PKIG: variants seen among roughly 807,000 people sequenced by gnomAD.
PKIG encodes protein kinase (cAMP-dependent, catalytic) inhibitor gamma.
PKIG carries 1 observed loss-of-function variant against 6.8 expected under a neutral mutation model. That is an observed-to-expected ratio of 0.15 (90% CI 0.05 to 0.69). The LOEUF (loss-of-function observed/expected upper bound fraction) is 0.69. PKIG is among the 30% of genes least tolerant of loss of function. PKIG has a pLI of 0.82. For synonymous variants in PKIG, 39 were observed against 43.0 expected (o/e 0.91, Z 0.36); for missense variants, 77 against 104.0 (o/e 0.74, Z 1.13).
intron 2 of PKIG, among the ~76,000 whole-genome samples, chr20:44,599,086 A>G (rs1467005265): frequency 6.6e-6 from 1 of 152,206 alleles, no homozygotes; most frequent in African/African-American, 2.4e-5. Context: ...CATCTGGTGT[A>G]TGTTTTAGAC....
At chr20:44,608,254 A>G (rs2065184832) in intron 2 of PKIG, among the ~76,000 whole-genome samples, 1 of 152,226 alleles carries the variant, frequency 6.6e-6, no homozygotes, top group Non-Finnish European at 1.5e-5. Context: ...AATATAACAG[A>G]TTTTAAAATT....
chr20:44,568,442 A>G (rs548038702), intron 1 of PKIG, among the ~76,000 whole-genome samples: 4 of 151,932 alleles, frequency 2.6e-5, no homozygotes, highest in Non-Finnish European at 5.9e-5. Flanking sequence ...CCTTCTACAT[A>G]TAGGGGCTCA....
intron 1 of PKIG, among the ~76,000 whole-genome samples, chr20:44,569,475 G>C (rs2064836712): frequency 6.6e-6 from 1 of 152,120 alleles, no homozygotes; most frequent in African/African-American, 2.4e-5. Context: ...ACTTGCTTTA[G>C]CCAGGCCTTC....
At chr20:44,578,107 A>G (rs1040351596), upstream of PKIG, among the ~76,000 whole-genome samples, 5 of 151,642 alleles carry the variant, frequency 3.3e-5, no homozygotes, top group Non-Finnish European at 4.4e-5. Flanking sequence ...TTGGGAGGCC[A>G]AGGTGGGCGG....
chr20:44,563,803 T>C (rs1471599837), intron 1 of PKIG, among the ~76,000 whole-genome samples: 3 of 152,204 alleles, frequency 2.0e-5, no homozygotes, highest in Non-Finnish European at 4.4e-5. Context: ...AGTGCTGGGA[T>C]TACAGGCATG....
intron 1 of PKIG, among the ~76,000 whole-genome samples, chr20:44,558,574 T>TTTCTTTCTTTCTTTC (rs2064736616): frequency 7.7e-4 from 102 of 132,000 alleles, no homozygotes; most frequent in Admixed American, 1.2e-3. Flanking sequence ...TTTTTTTCTT[T>TTTCTTTCTTTCTTTC]TTTCTTTCTT....
intron 1 of PKIG, among the ~76,000 whole-genome samples, chr20:44,560,146 A>T (rs1299486907): frequency 1.3e-5 from 2 of 151,630 alleles, no homozygotes; most frequent in Non-Finnish European, 2.9e-5. Flanking sequence ...GCTACTCAGG[A>T]GGCTGAGGTG....
chr20:44,573,231 G>A (rs935761658), intron 1 of PKIG, among the ~76,000 whole-genome samples: 1 of 152,262 alleles, frequency 6.6e-6, no homozygotes, highest in African/African-American at 2.4e-5. Flanking sequence ...ACTGAGGACA[G>A]TCCATAGTTT....
At chr20:44,542,169 A>G (rs1047636826) in intron 1 of PKIG, among the ~76,000 whole-genome samples, 2 of 152,238 alleles carry the variant, frequency 1.3e-5, no homozygotes, top group Admixed American at 6.5e-5. Context: ...ATAGGAATGC[A>G]GAGTTGTATG....
intron 1 of PKIG, among the ~76,000 whole-genome samples, chr20:44,566,113 G>A (rs1383786466): frequency 1.3e-5 from 2 of 152,116 alleles, no homozygotes; most frequent in Non-Finnish European, 1.5e-5. Flanking sequence ...CTAACTACCC[G>A]CATCTCATTC....
At chr20:44,550,868 A>G (rs947553473) in intron 1 of PKIG, among the ~76,000 whole-genome samples, 3 of 152,158 alleles carry the variant, frequency 2.0e-5, no homozygotes, top group Non-Finnish European at 4.4e-5. Flanking sequence ...GCTTTTTATT[A>G]TGAAAAATTT....
chr20:44,585,166 G>A (rs2064979905), intron 1 of PKIG: 1 of 152,374 alleles, frequency 6.6e-6, no homozygotes, highest in Non-Finnish European at 1.5e-5. Context: ...CCAGGAAGTG[G>A]AGAGTGGAAA....
chr20:44,581,982 G>C (rs2064952113), upstream of PKIG, among the ~76,000 whole-genome samples: 1 of 152,176 alleles, frequency 6.6e-6, no homozygotes, highest in Admixed American at 6.5e-5. Context: ...ACTTGCTTGA[G>C]GTCATTCATT....
At position 44,557,468 on chromosome 20, in the gene PKIG, G is replaced by A. The variant is rs551585168; in HGVS notation, c.-240-25117G>A. Among the ~76,000 whole-genome samples the A allele has an allele frequency of 7.4e-5, 11 of 149,648 alleles. No homozygotes were observed. In the South Asian group the frequency reaches 1.9e-3, roughly 26 times the overall value. On this transcript the variant is annotated intron_variant, in intron 1 of 4. Transcript: ENST00000372887. Reference sequence around the variant, plus strand: ...GTGAACCTGGGAGGCAGAGGTTGCTGTGAGCCGAGATCGCACCACTGCACT... The same window carrying A: ...GTGAACCTGGGAGGCAGAGGTTGCTATGAGCCGAGATCGCACCACTGCACT...
Position 44,613,689 on chromosome 20 carries a change from G to GC in PKIG, c.-23-839dup, listed in dbSNP as rs552646952. ...AGTTATATCTAGAATCCTTCCCACT[G>GC]CCCCCCTCCTCCACCCACCATCTTG... is the stretch of plus-strand genomic sequence containing the variant. On this transcript the variant is annotated intron_variant, in intron 2 of 3. Coordinates refer to ENST00000372886, the MANE Select transcript of PKIG (RefSeq NM_001281445.2). Among the ~76,000 whole-genome samples the GC allele has an allele frequency of 5.9e-5, 9 of 152,064 alleles. No homozygotes were observed. The South Asian group carries it at 1.9e-3, about 32-fold the overall frequency.
chr20:44,536,214 T>C (rs1464876291), intron 1 of PKIG, among the ~76,000 whole-genome samples: 1 of 152,236 alleles, frequency 6.6e-6, no homozygotes, highest in East Asian at 1.9e-4. Context: ...CATTCATCGA[T>C]GGTCACTTTG....
At chr20:44,565,353 T>C (rs955929920) in intron 1 of PKIG, among the ~76,000 whole-genome samples, 2 of 152,234 alleles carry the variant, frequency 1.3e-5, no homozygotes, top group Non-Finnish European at 2.9e-5. Flanking sequence ...GGGGCATGTA[T>C]TGGTCAGGAT....
intron 1 of PKIG, among the ~76,000 whole-genome samples, chr20:44,566,388 T>C (rs2064811086): frequency 6.6e-6 from 1 of 152,254 alleles, no homozygotes. Flanking sequence ...TCTCTGCCTT[T>C]TAAGTCCAGC....
intron 1 of PKIG, among the ~76,000 whole-genome samples, chr20:44,559,674 A>G (rs2064749533): frequency 6.6e-6 from 1 of 152,230 alleles, no homozygotes; most frequent in Non-Finnish European, 1.5e-5. Context: ...ATGTTGGAAA[A>G]CTTAAAAAAT....
Sources: allele counts gnomAD v4.1 joint callset (sites outside exome capture counted in the v4.1 genomes callset), GRCh38; gene constraint gnomAD v4.1.1; transcripts MANE v1.5; gene names NCBI Gene and HGNC (gene_info 2026-07-23, HGNC 2026-07-21).